Variants in PLEKHG4B observed in about 807,000 individuals in gnomAD.
PLEKHG4B encodes the protein pleckstrin homology and RhoGEF domain containing G4B.
In PLEKHG4B, 111 loss-of-function variants were observed where a neutral mutation model predicts 121.3. That is an observed-to-expected ratio of 0.92 (90% CI 0.78 to 1.07). The LOEUF is 1.07. PLEKHG4B is among the 50% of genes least tolerant of loss of function. The pLI is 0.00. For synonymous variants in PLEKHG4B, 738 were observed against 725.0 expected (o/e 1.02, Z -0.29); for missense variants, 1,831 against 1,757.8 (o/e 1.04, Z -0.74).
rs2126357110 is a variant in PLEKHG4B, at chr5:113,179, A to G, written c.46-72A>G. On this transcript the variant is annotated intron_variant, in intron 1 of 19. Coordinates refer to ENST00000637938, the MANE Select transcript of PLEKHG4B (RefSeq NM_052909.5). This position sits in a 1 kb window ranked among gnomAD's most constrained non-coding sequence, Gnocchi z 5.2. Reference sequence around the variant, plus strand: ...ACTTCCGTGTGGATCCTTCAGTGCCAGCCTTGGACTGTGGTGTGCACCTGT... The same window carrying G: ...ACTTCCGTGTGGATCCTTCAGTGCCGGCCTTGGACTGTGGTGTGCACCTGT... The G allele has an allele frequency of 2.5e-6, 1 of 398,524 alleles. No individual in the cohort carries two copies. The highest frequency in any genetic ancestry group is 3.6e-5 in the East Asian group (1 of 28,072). The allele number at this position is 398,524 out of a possible 1,614,324, so 24.7% of individuals were successfully genotyped here. A position where few individuals can be genotyped will look rare whatever the true frequency, so the allele number is the denominator to read the frequency against.
At chr5:168,964 C>T (rs1227232629) in intron 13 of PLEKHG4B, 2 of 237,206 alleles carry the variant, frequency 8.4e-6, no homozygotes, top group East Asian at 2.4e-4. Context: ...CAGCATCCGC[C>T]TCCCAGGTTC....
intron 2 of PLEKHG4B, among the ~76,000 whole-genome samples, chr5:123,444 G>A (rs1006754690): frequency 6.6e-6 from 1 of 152,228 alleles, no homozygotes; most frequent in East Asian, 1.9e-4. Context: ...AATTAGAGAA[G>A]GGGTGGTATT....
At chr5:160,907 G>A (rs994893058) in intron 11 of PLEKHG4B, among the ~76,000 whole-genome samples, 1 of 152,134 alleles carries the variant, frequency 6.6e-6, no homozygotes, top group African/African-American at 2.4e-5. Context: ...TCAAGATGCT[G>A]TGATTTTCTT....
chr5:160,470 T>C (rs1479245859), intron 11 of PLEKHG4B, among the ~76,000 whole-genome samples: 1 of 152,072 alleles, frequency 6.6e-6, no homozygotes, highest in Non-Finnish European at 1.5e-5. Context: ...ATGGAGCCCC[T>C]AAACAGTGTG....
At chr5:149,536 G>C (rs140620316) in intron 6 of PLEKHG4B, among the ~76,000 whole-genome samples, 1 of 148,018 alleles carries the variant, frequency 6.8e-6, no homozygotes, top group Non-Finnish European at 1.5e-5. Context: ...GAGAGACCCC[G>C]TCTCAAAAAA....
intron 11 of PLEKHG4B, among the ~76,000 whole-genome samples, chr5:160,655 C>T (rs376322772): frequency 6.6e-6 from 1 of 152,122 alleles, no homozygotes; most frequent in African/African-American, 2.4e-5. Context: ...GTCATTTGCC[C>T]TCTAGCTTTG....
rs778081594 is a variant in PLEKHG4B at position 182,134 on chromosome 5, G to A, written c.4695G>A (p.Ser1565=). 4.6e-5 allele frequency: 75 copies of A among 1,613,884 alleles called. No individual in the cohort carries two copies. The South Asian group carries it at 4.7e-4, about 10-fold the overall frequency. ...GCCAGTCCTCCTCCATCCTGGGGTC[G>A]CTGGGCCTGCTTGTGTCCTCCAGCC... is the stretch of plus-strand genomic sequence containing the variant. ...SSSQSSSILG[S]LGLLVSSSPA... is the part of the protein sequence containing the mutation. The change falls in exon 20 of 20, where the codon TCG becomes TCA. Residue 1565 remains serine (S), a synonymous_variant. Coordinates refer to ENST00000637938, the MANE Select transcript of PLEKHG4B (RefSeq NM_052909.5).
At chr5:151,637 A>C (rs760232596) in intron 7 of PLEKHG4B, 38 bp downstream of exon 7, 11 of 1,352,480 alleles carry the variant, frequency 8.1e-6, no homozygotes, top group Non-Finnish European at 1.1e-5. Context: ...GTGATGGATA[A>C]AATTAAACAT....
intron 18 of PLEKHG4B, among the ~76,000 whole-genome samples, chr5:177,972 A>C (rs1454320288): frequency 8.1e-6 from 1 of 124,118 alleles, no homozygotes; most frequent in African/African-American, 3.3e-5. Context: ...CTGTTGGGGG[A>C]ACGTGAGGAT....
rs941187726 is a variant in PLEKHG4B, at chr5:159,044, C to G, written c.2487+2133C>G. On this transcript the variant is annotated intron_variant, in intron 11 of 19. Transcript: ENST00000637938. The surrounding 1 kb of genome is among the most constrained non-coding windows in gnomAD (Gnocchi z 5.5). ...CCTGCGCCTGTGCTTAGCTTCCATC[C>G]CACTCCCAGCCTTCTGCCTGTGCCC... Among the ~76,000 whole-genome samples the G allele has an allele frequency of 6.6e-6, 1 of 152,072 alleles. No individual in the cohort carries two copies. The highest frequency in any genetic ancestry group is 6.5e-5 in the Admixed American group (1 of 15,288).
intron 3 of PLEKHG4B, 37 bp from the exon 4 acceptor site, chr5:143,010 A>G (rs1221962344): frequency 6.3e-7 from 1 of 1,588,724 alleles, no homozygotes; most frequent in Non-Finnish European, 8.6e-7. Flanking sequence ...GCGCAGGAAA[A>G]CCTTCATCTT....
Position 188,322 on chromosome 5 carries a change from G to C in PLEKHG4B, c.*5999G>C, listed in dbSNP as rs6898810. 0.089 allele frequency: 13,582 copies of C among 152,294 alleles called. 1,883 individuals are homozygous for C. The highest frequency in any genetic ancestry group is 0.3 in the African/African-American group (12,395 of 41,470). The allele number at this position is 152,294 out of a possible 1,614,324, so 9.4% of individuals were successfully genotyped here. On this transcript the variant is annotated 3_prime_UTR_variant, in exon 20 of 20. Transcript: ENST00000637938. ...TTTTCACACCTGCCTGATGTCCTGG[G>C]GGGGCTCACAGAGGACCGACCCTGC...
chr5:135,683 ATATATATATATATATATAT>A (rs1350731358), intron 2 of PLEKHG4B, among the ~76,000 whole-genome samples: 11 of 16,122 alleles, frequency 6.8e-4, no homozygotes, highest in South Asian at 5.0e-3. Context: ...AAAAAAAAAA[ATATATATATATATATATAT>A]ATATATATAT....
intron 6 of PLEKHG4B, among the ~76,000 whole-genome samples, chr5:148,241 G>T (rs186446297): frequency 1.3e-5 from 2 of 151,632 alleles, no homozygotes; most frequent in Admixed American, 6.6e-5. Flanking sequence ...AAGAAAAAGT[G>T]GGGGGTGGGG....
intron 6 of PLEKHG4B, among the ~76,000 whole-genome samples, chr5:147,382 G>A (rs1036234512): frequency 3.3e-5 from 5 of 152,138 alleles, no homozygotes; most frequent in African/African-American, 9.7e-5. Context: ...CCTGGGCAGT[G>A]GTCTGTGCTT....
At chr5:154,066 C>T (rs960101183) in intron 7 of PLEKHG4B, among the ~76,000 whole-genome samples, 5 of 151,882 alleles carry the variant, frequency 3.3e-5, no homozygotes, top group African/African-American at 1.2e-4. Flanking sequence ...AGTGCAGTGG[C>T]ATGATCTCGG....
At position 134,076 on chromosome 5, in the gene PLEKHG4B, AATATATATATATATATATATATATAT is replaced by A. The variant is rs67940117; in HGVS notation, c.244-5386_244-5361del. 5.2e-3 allele frequency among the ~76,000 whole-genome samples: 210 copies of A among 40,298 alleles called. 2 individuals carry two copies. The highest frequency in any genetic ancestry group is 0.022 in the Middle Eastern group (1 of 46). The allele number at this position is 40,298 out of a possible 152,430, so 26.4% of individuals were successfully genotyped here. A position where few individuals can be genotyped will look rare whatever the true frequency, so the allele number is the denominator to read the frequency against. ...ATGATAGAATATATATATATGATAGAATATATATATATATATATATATATATATATATATATATATATATATGTGAT... is the reference window on the plus strand; with the variant it reads ...ATGATAGAATATATATATATGATAGAATATATATATATATATATATGTGAT... On this transcript the variant is annotated intron_variant, in intron 2 of 19. Coordinates refer to ENST00000637938, the MANE Select transcript of PLEKHG4B (RefSeq NM_052909.5).
chr5:110,317 C>T lies in PLEKHG4B; in HGVS notation c.46-2934C>T, dbSNP rs368239078. On this transcript the variant is annotated intron_variant, in intron 1 of 19. Coordinates refer to ENST00000637938, the MANE Select transcript of PLEKHG4B (RefSeq NM_052909.5). ...CCACACAATCTGCAACACACGTGCA[C>T]GCACCCACACAGTCTGCAACACGTG... is the stretch of plus-strand genomic sequence containing the variant. 2.1e-4 allele frequency among the ~76,000 whole-genome samples: 31 copies of T among 148,168 alleles called. No individual in the cohort carries two copies. The East Asian group carries it at 4.2e-3, about 20-fold the overall frequency.
rs1239635647 is a variant in PLEKHG4B, at chr5:139,832, C to G, written c.593C>G (p.Pro198Arg). ...GCCCCGTGGAGCGACGTCACTGACC[C>G]TGTCTTTGTCCCCAGCCCTGGAGCC... is the stretch of plus-strand genomic sequence containing the variant. The part of the protein sequence containing the change: ...HRAPWSDVTD[P>R]VFVPSPGAIL... The change falls in exon 3 of 20, where the codon CCT becomes CGT. Residue 198 changes from proline to arginine, a missense_variant. Transcript: ENST00000637938. The surrounding 1 kb of genome is among the most constrained non-coding windows in gnomAD (Gnocchi z 5.0). 6 of 398,908 alleles carry G rather than the reference C, an allele frequency of 1.5e-5. No homozygotes were observed. The highest frequency in any genetic ancestry group is 1.2e-4 in the African/African-American group (6 of 48,550). 24.7% of individuals were successfully genotyped at this position (398,908 alleles called of 1,614,324 possible).
Sources: allele counts gnomAD v4.1 joint callset (sites outside exome capture counted in the v4.1 genomes callset), GRCh38; gene constraint gnomAD v4.1.1; non-coding constraint Gnocchi (gnomAD v3.1); transcripts MANE v1.5; gene names NCBI Gene and HGNC (gene_info 2026-07-23, HGNC 2026-07-21).